Variants in CD274 observed in about 807,000 individuals in gnomAD.
CD274 encodes the protein CD274 molecule.
A neutral mutation model predicts 30.1 loss-of-function variants in CD274; 8 were observed. The ratio of observed to expected loss-of-function variants is 0.27; its 90% CI spans 0.16 to 0.48. The LOEUF (loss-of-function observed/expected upper bound fraction) is 0.48. Among genes scored for constraint, CD274 ranks in the 20% least tolerant of loss-of-function variants. The probability of loss-of-function intolerance (pLI) is 0.99; values close to 1 mark genes in which losing one functional copy is unlikely to be tolerated. For synonymous variants in CD274, 152 were observed against 124.6 expected (o/e 1.22, Z -1.46); for missense variants, 353 against 346.6 (o/e 1.02, Z -0.15).
chr9:5,463,685 T>C (rs1819447953), intron 4 of CD274, among the ~76,000 whole-genome samples: 1 of 151,740 alleles, frequency 6.6e-6, no homozygotes, highest in African/African-American at 2.4e-5. Context: ...AGCAGTCTGC[T>C]TAGTGCATAG....
rs1819434746 is a variant in CD274, at chr9:5,463,054, G to C, written c.615G>C (p.Glu205Asp). Reference protein sequence around the residue: ...STLRINTTTNEIFYCTFRRLD... With the variant: ...STLRINTTTNDIFYCTFRRLD... ...TGAGAATCAACACAACAACTAATGA[G>C]ATTTTCTACTGCACTTTTAGGAGAT... is the stretch of plus-strand genomic sequence containing the variant. The change falls in exon 4 of 7, where the codon GAG (glutamate) becomes GAC (aspartate). Residue 205 changes from glutamate to aspartate, a missense_variant. By Grantham distance (45) the Glu-to-Asp change is conservative. Coordinates refer to ENST00000381577, the MANE Select transcript of CD274 (RefSeq NM_014143.4). 8 of 1,613,894 alleles carry C rather than the reference G, an allele frequency of 5.0e-6. No individual in the cohort carries two copies. The highest frequency in any genetic ancestry group is 1.7e-5 in the Admixed American group (1 of 60,006).
At chr9:5,453,340 AT>A (rs1354420429) in intron 1 of CD274, among the ~76,000 whole-genome samples, 1 of 152,222 alleles carries the variant, frequency 6.6e-6, no homozygotes, top group African/African-American at 2.4e-5. Flanking sequence ...AAAAAATAAT[AT>A]TTTTTAAACA....
Position 5,469,700 on chromosome 9 carries a change from T to C in CD274, c.*1838T>C, listed in dbSNP as rs1345282203. On this transcript the variant is annotated 3_prime_UTR_variant, in exon 7 of 7. Transcript: ENST00000381577. Reference sequence around the variant, plus strand: ...GTATATGTTAAATATGTCCTACATATACATTTAGACAACCACCATTTGTTA... The same window carrying C: ...GTATATGTTAAATATGTCCTACATACACATTTAGACAACCACCATTTGTTA... 1 of 232,442 alleles carries C rather than the reference T, an allele frequency of 4.3e-6. No individual in the cohort carries two copies. Among genetic ancestry groups the C allele is most frequent in the Non-Finnish European group, 8.5e-6 (1 of 117,640 alleles). 14.4% of individuals were successfully genotyped at this position (232,442 alleles called of 1,614,324 possible). A position where few individuals can be genotyped will look rare whatever the true frequency, so the allele number is the denominator to read the frequency against.
chr9:5,456,062 A>T (rs2131208381), intron 1 of CD274, 38 bp from the exon 2 acceptor site: 2 of 1,121,502 alleles, frequency 1.8e-6, no homozygotes, highest in Non-Finnish European at 2.7e-6. Context: ...TTTAATTATT[A>T]AGTGAAGCAG....
intron 1 of CD274, among the ~76,000 whole-genome samples, chr9:5,455,402 G>A (rs1282106447): frequency 6.6e-6 from 1 of 152,072 alleles, no homozygotes; most frequent in East Asian, 1.9e-4. Context: ...ACTAAATGAA[G>A]AATAGAATCT....
intron 1 of CD274, among the ~76,000 whole-genome samples, chr9:5,452,015 G>GT (rs1253774272): frequency 1.4e-4 from 18 of 132,186 alleles, no homozygotes; most frequent in Non-Finnish European, 1.9e-4. Context: ...AGTTTAACCG[G>GT]TTTTTTTTGT....
intron 5 of CD274, chr9:5,465,997 T>C (rs988068857): frequency 6.5e-6 from 1 of 154,386 alleles, no homozygotes; most frequent in Non-Finnish European, 1.4e-5. Context: ...GTAGTATGTT[T>C]ACCATAGAGT....
At chr9:5,465,829 G>A in intron 5 of CD274, 2 of 326,120 alleles carry the variant, frequency 6.1e-6, no homozygotes, top group Non-Finnish European at 1.1e-5. Flanking sequence ...AAGATGCAGT[G>A]TCATACAGTT....
At position 5,468,175 on chromosome 9, in the gene CD274, C is replaced by T. The variant is rs1183311782; in HGVS notation, c.*313C>T. On this transcript the variant is annotated 3_prime_UTR_variant, in exon 7 of 7. Transcript: ENST00000381577. ...CCAAGCAAATCATCCATTGCTCATC[C>T]TAGGAAGACGGGTTGAGAATCCCTA... is the stretch of plus-strand genomic sequence containing the variant. 2 of 395,106 alleles carry T rather than the reference C, an allele frequency of 5.1e-6. No homozygotes were observed. Among genetic ancestry groups the T allele is most frequent in the East Asian group, 7.7e-5 (2 of 25,988 alleles). 24.5% of individuals were successfully genotyped at this position (395,106 alleles called of 1,614,324 possible).
At chr9:5,463,162 G>A (rs2131224977) in intron 4 of CD274, 41 bp downstream of exon 4, 1 of 1,487,286 alleles carries the variant, frequency 6.7e-7, no homozygotes. Flanking sequence ...GTCTAACACT[G>A]TCCCCTAGCA....
At chr9:5,459,243 C>T (rs1288323289) in intron 3 of CD274, among the ~76,000 whole-genome samples, 1 of 152,164 alleles carries the variant, frequency 6.6e-6, no homozygotes, top group Non-Finnish European at 1.5e-5. Context: ...TTGACAATTC[C>T]ATTTTGTATT....
At chr9:5,462,092 C>A (rs1819414389) in intron 3 of CD274, among the ~76,000 whole-genome samples, 1 of 152,108 alleles carries the variant, frequency 6.6e-6, no homozygotes, top group Admixed American at 6.6e-5. Context: ...ACTATCTTTG[C>A]AACTTTTTTG....
chr9:5,457,383 T>C lies in CD274; in HGVS notation c.357T>C (p.Gly119=). Residue 119 remains glycine, a synonymous_variant, in exon 3 of 7, where the codon GGT becomes GGC. Transcript: ENST00000381577. ...AGVYRCMISY[G]GADYKRITVK... ...TGTACCGCTGCATGATCAGCTATGG[T>C]GGTGCCGACTACAAGCGAATTACTG... is the stretch of plus-strand genomic sequence containing the variant. 6.2e-7 allele frequency: 1 copy of C among 1,613,950 alleles called. No homozygotes were observed. Among genetic ancestry groups the C allele is most frequent in the Non-Finnish European group, 8.5e-7 (1 of 1,179,868 alleles).
rs769528781 is a variant in CD274 at position 5,465,479 on chromosome 9, C to CGTTTT, written c.683-9_683-5dup. On this transcript the variant is annotated intron_variant, in intron 4 of 6. Transcript: ENST00000381577. ...ATTTTATCTTTAGTCAGTTTGTTTTCGTTTTGTTTTGTTTTTCAGAACTAC... is the reference window on the plus strand; with the variant it reads ...ATTTTATCTTTAGTCAGTTTGTTTTCGTTTTGTTTTGTTTTGTTTTTCAGAACTAC... 2.8e-6 allele frequency: 4 copies of CGTTTT among 1,430,596 alleles called. No homozygotes were observed. Among genetic ancestry groups the CGTTTT allele is most frequent in the Non-Finnish European group, 3.9e-6 (4 of 1,013,956 alleles). The allele number at this position is 1,430,596 out of a possible 1,614,324, so 88.6% of individuals were successfully genotyped here. A position where few individuals can be genotyped will look rare whatever the true frequency, so the allele number is the denominator to read the frequency against.
Position 5,467,894 on chromosome 9 carries a change from G to C in CD274, c.*32G>C, listed in dbSNP as rs1336764495. 6.3e-7 allele frequency: 1 copy of C among 1,596,002 alleles called. No homozygotes were observed. The highest frequency in any genetic ancestry group is 8.6e-7 in the Non-Finnish European group (1 of 1,163,572). ...ATTGGAACTTCTGATCTTCAAGCAG[G>C]GATTCTCAACCTGTGGTTTAGGGGT... On this transcript the variant is annotated 3_prime_UTR_variant, in exon 7 of 7. Coordinates refer to ENST00000381577, the MANE Select transcript of CD274 (RefSeq NM_014143.4).
intron 3 of CD274, among the ~76,000 whole-genome samples, chr9:5,460,319 C>T (rs1048990051): frequency 1.1e-4 from 17 of 152,102 alleles, no homozygotes; most frequent in African/African-American, 2.9e-4. Flanking sequence ...CTGCTACTAT[C>T]GAGTACTACT....
intron 3 of CD274, among the ~76,000 whole-genome samples, chr9:5,461,167 C>T (rs1261099136): frequency 6.6e-6 from 1 of 151,946 alleles, no homozygotes; most frequent in Non-Finnish European, 1.5e-5. Flanking sequence ...TATAACACTG[C>T]GAGGTCTAAT....
At chr9:5,467,806 C>T (rs200491707) in intron 6 of CD274, 34 bp from the exon 7 acceptor site, 273 of 1,570,140 alleles carry the variant, frequency 1.7e-4, no homozygotes, top group Non-Finnish European at 2.2e-4. Context: ...CAGACCACTT[C>T]CCATGAAATT....
At chr9:5,466,637 T>C in intron 5 of CD274, 133 bp from the exon 6 acceptor site, 1 of 648,374 alleles carries the variant, frequency 1.5e-6, no homozygotes, top group Admixed American at 2.6e-5. Flanking sequence ...AGTTGGGACC[T>C]GTGGAATAAG....
Sources: allele counts gnomAD v4.1 joint callset (sites outside exome capture counted in the v4.1 genomes callset), GRCh38; gene constraint gnomAD v4.1.1; transcripts MANE v1.5; gene names NCBI Gene and HGNC (gene_info 2026-07-23, HGNC 2026-07-21).